The following HOMER1 variants were observed in gnomAD, a reference collection of about 807,000 sequenced individuals.
HOMER1 encodes the protein homer scaffold protein 1, also known as homer protein homolog 1.
A neutral mutation model predicts 48.9 loss-of-function variants in HOMER1; 3 were observed. The observed-to-expected ratio is 0.06, with a 90% confidence interval of 0.03 to 0.16. The LOEUF (loss-of-function observed/expected upper bound fraction) is 0.16, where lower values mean the gene tolerates loss of function less well. Among genes scored for constraint, HOMER1 ranks in the 10% least tolerant of loss-of-function variants. HOMER1 has a pLI of 1.00. For missense variants in HOMER1, 247 were observed against 411.4 expected (o/e 0.60, Z 3.46); for synonymous variants, 134 against 146.4 (o/e 0.92, Z 0.61).
intron 1 of HOMER1, among the ~76,000 whole-genome samples, chr5:79,485,423 AGTAAGG>A (rs1752070916): frequency 6.6e-6 from 1 of 152,214 alleles, no homozygotes; most frequent in Non-Finnish European, 1.5e-5. Context: ...TAAGCTAAAG[AGTAAGG>A]CATGAACTTT....
In HOMER1 at chr5:79,498,662, T is replaced by A. The variant is rs190671269; in HGVS notation, c.5+14108A>T. On this transcript the variant is annotated intron_variant, in intron 1 of 8. Transcript: ENST00000334082. ...TTTTTCTGCTCAGCCAATGGCAGCA[T>A]AAGAGTTTGAAAGCTCTGGGAAAAA... is the stretch of plus-strand genomic sequence containing the variant. Among the ~76,000 whole-genome samples, 35 of 152,304 alleles carry A rather than the reference T, an allele frequency of 2.3e-4. No homozygotes were observed. In the East Asian group the frequency reaches 6.7e-3, roughly 29 times the overall value.
intron 1 of HOMER1, among the ~76,000 whole-genome samples, chr5:79,491,010 G>A (rs1007471927): frequency 8.8e-5 from 11 of 125,560 alleles, no homozygotes; most frequent in Admixed American, 7.9e-4. Flanking sequence ...AAATTAAGTG[G>A]ATTTTGATTG....
chr5:79,396,108 G>A (rs1458336962), intron 8 of HOMER1, among the ~76,000 whole-genome samples: 2 of 152,054 alleles, frequency 1.3e-5, no homozygotes, highest in African/African-American at 4.8e-5. Flanking sequence ...AATAAATTCT[G>A]AGAAATCTTC....
At chr5:79,418,174 A>T (rs1749995327) in intron 5 of HOMER1, among the ~76,000 whole-genome samples, 1 of 152,240 alleles carries the variant, frequency 6.6e-6, no homozygotes, top group Non-Finnish European at 1.5e-5. Context: ...AAGCTATGTA[A>T]ATAATATGCA....
Position 79,375,987 on chromosome 5 carries a change from T to A in HOMER1, c.*22A>T. Reference sequence around the variant, plus strand: ...AGAGACAGTGTATCTTTTAATTAATTGGCACTGAAATTTCACTTTCCTTAG... The same window carrying A: ...AGAGACAGTGTATCTTTTAATTAATAGGCACTGAAATTTCACTTTCCTTAG... On this transcript the variant is annotated 3_prime_UTR_variant, in exon 9 of 9. Coordinates refer to ENST00000334082, the MANE Select transcript of HOMER1 (RefSeq NM_004272.5). 6.5e-7 allele frequency: 1 copy of A among 1,549,508 alleles called. No individual in the cohort carries two copies. Among genetic ancestry groups the A allele is most frequent in the Non-Finnish European group, 8.8e-7 (1 of 1,132,138 alleles).
chr5:79,474,482 T>C (rs1751706965), intron 1 of HOMER1, among the ~76,000 whole-genome samples: 1 of 152,132 alleles, frequency 6.6e-6, no homozygotes, highest in Non-Finnish European at 1.5e-5. Context: ...TCCCTTGAAT[T>C]GTTTAACAGA....
intron 5 of HOMER1, among the ~76,000 whole-genome samples, chr5:79,415,311 C>T (rs548105373): frequency 6.6e-6 from 1 of 152,064 alleles, no homozygotes; most frequent in African/African-American, 2.4e-5. Context: ...CCACCTGCCT[C>T]AGCCTCCCAA....
At chr5:79,451,184 G>C (rs1751016749) in intron 2 of HOMER1, 63 bp from the exon 3 acceptor site, 2 of 1,546,974 alleles carry the variant, frequency 1.3e-6, no homozygotes, top group African/African-American at 2.7e-5. Flanking sequence ...TTAAATACAA[G>C]ACCATTCAGT....
At chr5:79,411,704 C>T (rs573954756) in intron 5 of HOMER1, among the ~76,000 whole-genome samples, 14 of 152,288 alleles carry the variant, frequency 9.2e-5, no homozygotes, top group Non-Finnish European at 2.9e-5. Context: ...TCCCATTCCT[C>T]CAGGGCCTAG....
At chr5:79,377,078 G>T (rs777216805) in intron 8 of HOMER1, among the ~76,000 whole-genome samples, 1 of 152,124 alleles carries the variant, frequency 6.6e-6, no homozygotes, top group Non-Finnish European at 1.5e-5. Context: ...CCATTCTCCT[G>T]CCTCAGCCTC....
At chr5:79,425,263 T>G (rs1750214829) in intron 5 of HOMER1, among the ~76,000 whole-genome samples, 2 of 150,830 alleles carry the variant, frequency 1.3e-5, no homozygotes. Flanking sequence ...AAAAAAAAAA[T>G]CTAACTTGGA....
intron 1 of HOMER1, among the ~76,000 whole-genome samples, chr5:79,474,600 A>G (rs1751710738): frequency 6.6e-6 from 1 of 152,104 alleles, no homozygotes; most frequent in Non-Finnish European, 1.5e-5. Flanking sequence ...ACAACTCAAT[A>G]CACTCCTCAC....
rs758311656 is a variant in HOMER1, at chr5:79,455,510, T to C, written c.162+1352A>G. Among the ~76,000 whole-genome samples the C allele has an allele frequency of 4.5e-4, 69 of 152,322 alleles. 1 individual carries two copies. The highest frequency in any genetic ancestry group is 7.2e-4 in the Admixed American group (11 of 15,290). On this transcript the variant is annotated intron_variant, in intron 2 of 8. Transcript: ENST00000334082. ...GTGAAGACGTACCTTCTGCCACGAT[T>C]GTAAGTTTCCTGAGGCTTCCCCAGC...
chr5:79,379,475 TA>T (rs33952750), intron 8 of HOMER1, among the ~76,000 whole-genome samples: 21,768 of 123,818 alleles, frequency 0.18, 2,129 homozygotes, highest in South Asian at 0.28. Flanking sequence ...ATTTTATATA[TA>T]AATATATAAA....
At position 79,375,912 on chromosome 5, in the gene HOMER1, T is replaced by C; in HGVS notation, c.*97A>G. ...TGGAGGAGTGATATTCAATTTTTTT[T>C]TTTTTTTTTTTGTGCAATCTTGATG... On this transcript the variant is annotated 3_prime_UTR_variant, in exon 9 of 9. Transcript: ENST00000334082. The C allele has an allele frequency of 5.4e-6, 3 of 556,368 alleles. No individual in the cohort carries two copies. The Admixed American group carries it at 1.3e-4, about 24-fold the overall frequency. The allele number at this position is 556,368 out of a possible 1,614,324, so 34.5% of individuals were successfully genotyped here.
At position 79,430,397 on chromosome 5, in the gene HOMER1, A is replaced by G. The variant is rs76090859; in HGVS notation, c.527+8613T>C. ...TAACAAGTGCTGATGACATGGAGAAATCAGAACCCTTATATATCTGCTAGT... is the reference window on the plus strand; with the variant it reads ...TAACAAGTGCTGATGACATGGAGAAGTCAGAACCCTTATATATCTGCTAGT... On this transcript the variant is annotated intron_variant, in intron 5 of 8. Coordinates refer to ENST00000334082, the MANE Select transcript of HOMER1 (RefSeq NM_004272.5). Among the ~76,000 whole-genome samples the G allele has an allele frequency of 9.8e-3, 1,488 of 152,352 alleles. 21 individuals are homozygous for G. The highest frequency in any genetic ancestry group is 0.033 in the African/African-American group (1,380 of 41,572).
intron 8 of HOMER1, among the ~76,000 whole-genome samples, chr5:79,382,218 G>A (rs1009531226): frequency 2.6e-5 from 4 of 152,216 alleles, no homozygotes; most frequent in African/African-American, 9.6e-5. Flanking sequence ...GAGGTGAAGA[G>A]AGAGCAAAAG....
chr5:79,503,354 A>G (rs1224439666), intron 1 of HOMER1, among the ~76,000 whole-genome samples: 1 of 151,208 alleles, frequency 6.6e-6, no homozygotes, highest in East Asian at 2.0e-4. Context: ...AAAACACGAA[A>G]TCCCGTCTCT....
chr5:79,422,560 T>C (rs1384077935), intron 5 of HOMER1, among the ~76,000 whole-genome samples: 1 of 151,894 alleles, frequency 6.6e-6, no homozygotes, highest in Admixed American at 6.6e-5. Flanking sequence ...TGGATTTTTC[T>C]TCCTGAAAAA....
Sources: allele counts gnomAD v4.1 joint callset (sites outside exome capture counted in the v4.1 genomes callset), GRCh38; gene constraint gnomAD v4.1.1; transcripts MANE v1.5; gene names NCBI Gene and HGNC (gene_info 2026-07-23, HGNC 2026-07-21).